COL19A1: variants seen among roughly 807,000 people sequenced by gnomAD.
COL19A1 encodes the protein collagen type XIX alpha 1 chain, also known as collagen alpha-1(XIX) chain.
In COL19A1, 159 loss-of-function variants were observed where a neutral mutation model predicts 190.2. That is an observed-to-expected ratio of 0.84 (90% CI 0.73 to 0.95). The LOEUF (loss-of-function observed/expected upper bound fraction) is 0.95, where lower values mean the gene tolerates loss of function less well. Ranked by LOEUF, COL19A1 falls within the 40% of genes least tolerant of loss-of-function variation. The probability of loss-of-function intolerance (pLI) is 0.00; values close to 1 mark genes in which losing one functional copy is unlikely to be tolerated. For synonymous variants in COL19A1, 509 were observed against 458.9 expected, an observed-to-expected ratio of 1.11 and a Z score of -1.39; for missense variants, 1,418 against 1,431.9, an observed-to-expected ratio of 0.99 and a Z score of 0.16.
chr6:70,082,601 G>A (rs897094253), intron 15 of COL19A1, among the ~76,000 whole-genome samples: 5 of 152,066 alleles, frequency 3.3e-5, no homozygotes, highest in Admixed American at 6.5e-5. Flanking sequence ...TAGTAGAGAC[G>A]GGTTTCACCA....
chr6:70,105,354 T>G (rs1582922343), intron 16 of COL19A1, among the ~76,000 whole-genome samples: 1 of 151,934 alleles, frequency 6.6e-6, no homozygotes, highest in Admixed American at 6.6e-5. Context: ...GACAGGGTTT[T>G]ACCATGTTGG....
intron 14 of COL19A1, among the ~76,000 whole-genome samples, chr6:70,050,832 T>C (rs1033658938): frequency 2.6e-5 from 4 of 152,160 alleles, no homozygotes; most frequent in Non-Finnish European, 4.4e-5. Context: ...AATTATCTCT[T>C]TAAGACTCCT....
chr6:69,868,237 T>C (rs374510754), intron 1 of COL19A1, among the ~76,000 whole-genome samples: 116 of 151,096 alleles, frequency 7.7e-4, no homozygotes, highest in Middle Eastern at 3.5e-3. Context: ...CCTGCTCGTA[T>C]GTGGGGTCTT....
Position 69,970,609 on chromosome 6 carries a change from CTGCTATTA to C in COL19A1, c.1026+7741_1026+7748del, listed in dbSNP as rs1775374540. ...AAAACTAATGCAAGTATGTTAAATA[CTGCTATTA>C]TAAATATAGCACTTTCCCTTCATCA... is the stretch of plus-strand genomic sequence containing the variant. On this transcript the variant is annotated intron_variant, in intron 11 of 50. Transcript: ENST00000620364. 2.0e-5 allele frequency among the ~76,000 whole-genome samples: 3 copies of C among 152,264 alleles called. No individual in the cohort carries two copies. The South Asian group carries it at 6.2e-4, about 32-fold the overall frequency.
intron 19 of COL19A1, 70 bp from the exon 20 acceptor site, chr6:70,140,884 T>C (rs1786204620): frequency 4.0e-6 from 6 of 1,496,330 alleles, no homozygotes; most frequent in Admixed American, 3.4e-5. Context: ...CTATAGGGTT[T>C]ATCCACACCC....
At chr6:70,156,101 A>C (rs375457258) in intron 31 of COL19A1, 26 bp from the exon 32 acceptor site, 2 of 1,603,336 alleles carry the variant, frequency 1.2e-6, no homozygotes, top group African/African-American at 2.7e-5. Context: ...TGACTCCCTC[A>C]GTAACCTTAT....
At chr6:69,923,330 A>G (rs1772124744) in intron 4 of COL19A1, among the ~76,000 whole-genome samples, 1 of 152,168 alleles carries the variant, frequency 6.6e-6, no homozygotes, top group Non-Finnish European at 1.5e-5. Context: ...CAGTAGCTTC[A>G]GAATCACAGT....
chr6:69,917,335 G>A (rs1771370496), intron 4 of COL19A1, among the ~76,000 whole-genome samples: 1 of 152,066 alleles, frequency 6.6e-6, no homozygotes, highest in Non-Finnish European at 1.5e-5. Flanking sequence ...AGGCCTCCAC[G>A]TTAAGGCCTT....
At chr6:69,936,675 C>G in intron 7 of COL19A1, 110 bp from the exon 8 acceptor site, 1 of 1,378,006 alleles carries the variant, frequency 7.3e-7, no homozygotes, top group Non-Finnish European at 1.0e-6. Flanking sequence ...TAGTAAGAAG[C>G]AGTTCTTGCA....
chr6:70,090,922 A>G (rs1431097063), intron 15 of COL19A1, among the ~76,000 whole-genome samples: 2 of 151,990 alleles, frequency 1.3e-5, no homozygotes, highest in East Asian at 1.9e-4. Context: ...TGTTCCCTCT[A>G]CTGGACAGCT....
intron 9 of COL19A1, among the ~76,000 whole-genome samples, chr6:69,940,891 G>C (rs1773424190): frequency 6.6e-6 from 1 of 152,122 alleles, no homozygotes; most frequent in Admixed American, 6.6e-5. Context: ...GTTTATTTCT[G>C]CTCCTATTGC....
intron 1 of COL19A1, among the ~76,000 whole-genome samples, chr6:69,870,811 A>G (rs1767779063): frequency 6.6e-6 from 1 of 152,240 alleles, no homozygotes; most frequent in Admixed American, 6.5e-5. Context: ...CAGATTAGGA[A>G]TGGTAAAAAC....
chr6:70,046,864 G>A (rs781217840), intron 14 of COL19A1, among the ~76,000 whole-genome samples: 1 of 152,048 alleles, frequency 6.6e-6, no homozygotes, highest in African/African-American at 2.4e-5. Flanking sequence ...GCCAAATACA[G>A]TCAAATAATG....
intron 9 of COL19A1, among the ~76,000 whole-genome samples, chr6:69,947,218 A>G (rs552972317): frequency 6.6e-6 from 1 of 152,016 alleles, no homozygotes; most frequent in African/African-American, 2.4e-5. Flanking sequence ...ACATTTTATA[A>G]TATAGACTAT....
At chr6:70,019,212 G>A (rs1057052846) in intron 11 of COL19A1, among the ~76,000 whole-genome samples, 5 of 152,108 alleles carry the variant, frequency 3.3e-5, no homozygotes. Context: ...TATCCTCTGA[G>A]CTATTGATTT....
intron 16 of COL19A1, among the ~76,000 whole-genome samples, chr6:70,116,727 T>C (rs1269097741): frequency 6.6e-6 from 1 of 152,218 alleles, no homozygotes; most frequent in African/African-American, 2.4e-5. Flanking sequence ...CTGGAAATGT[T>C]TCTTGAAAAT....
chr6:70,063,730 G>T (rs188281364), intron 14 of COL19A1, among the ~76,000 whole-genome samples: 1 of 152,150 alleles, frequency 6.6e-6, no homozygotes, highest in Admixed American at 6.5e-5. Context: ...TTGATAGACC[G>T]CTAGCAAGAC....
At chr6:69,971,630 G>A (rs1001648449) in intron 11 of COL19A1, among the ~76,000 whole-genome samples, 7 of 152,108 alleles carry the variant, frequency 4.6e-5, no homozygotes, top group African/African-American at 9.7e-5. Context: ...AATTCCAAAC[G>A]TTTTATACTT....
intron 4 of COL19A1, among the ~76,000 whole-genome samples, chr6:69,920,123 T>C (rs2149997241): frequency 6.6e-6 from 1 of 152,100 alleles, no homozygotes; most frequent in Admixed American, 6.5e-5. Flanking sequence ...GTAGAGAAAA[T>C]ATAAAGAAAA....
Sources: gnomAD v4.1 joint callset for allele counts (sites outside exome capture counted in the v4.1 genomes callset) on GRCh38, gnomAD v4.1.1 for gene constraint, MANE v1.5 for transcripts, NCBI Gene and HGNC (gene_info 2026-07-23, HGNC 2026-07-21) for gene names.